Variants in KRTAP13-3 observed in about 807,000 individuals in gnomAD.
KRTAP13-3 encodes keratin-associated protein 13-3.
For synonymous variants in KRTAP13-3, 98 were observed against 79.4 expected (o/e 1.23, Z -1.25); for missense variants, 243 against 202.8 (o/e 1.20, Z -1.20).
chr21:30,425,758 A>G lies in KRTAP13-3; in HGVS notation c.155T>C (p.Leu52Pro), dbSNP rs1423353498. The change falls in exon 1 of 1, where the codon CTC becomes CCC. Residue 52 changes from leucine to proline, a missense_variant. Transcript: ENST00000390690. ...GCAGGTCTCCTGACAGCCCCTATAG[A>G]GAGAGGAACCCAGCTGGCAGGTGCT... The G allele has an allele frequency of 1.2e-6, 2 of 1,614,004 alleles. No individual in the cohort carries two copies. The highest frequency in any genetic ancestry group is 8.5e-7 in the Non-Finnish European group (1 of 1,180,026).
exon 1 of KRTAP13-3, chr21:30,425,822 G>A (rs1984287584): frequency 5.0e-6 from 8 of 1,614,056 alleles, no homozygotes; most frequent in South Asian, 1.1e-5. Flanking sequence ...AGGTTGCTGG[G>A]GTAGGAAGAG....
chr21:30,425,708 A>G (rs1406805950), exon 1 of KRTAP13-3: 2 of 1,613,916 alleles, frequency 1.2e-6, no homozygotes, highest in Admixed American at 3.3e-5. Flanking sequence ...TCAACACACA[A>G]TGTCTGACAG....
chr21:30,425,619 C>A, exon 1 of KRTAP13-3: 1 of 1,614,170 alleles, frequency 6.2e-7, no homozygotes, highest in Non-Finnish European at 8.5e-7. Context: ...AACCCCGAGA[C>A]CCAACATGCA....
At chr21:30,425,489 A>AAC in the KRTAP13-3 span, 1 of 1,613,740 alleles carries the variant, frequency 6.2e-7, no homozygotes, top group Non-Finnish European at 8.5e-7. Flanking sequence ...CTGGATCTAT[A>AAC]ACTCTGGGAA....
chr21:30,425,817 G>C lies in KRTAP13-3; in HGVS notation c.96C>G (p.Ser32Arg), dbSNP rs371300420. The C allele has an allele frequency of 5.6e-6, 9 of 1,614,186 alleles. No individual in the cohort carries two copies. In the African/African-American group the frequency reaches 6.7e-5, roughly 12 times the overall value. The change falls in exon 1 of 1, where the codon AGC (serine) becomes AGG (arginine). Residue 32 changes from serine to arginine, a missense_variant. Transcript: ENST00000390690. ...AGAGGTCAGTGCTGTAGACCAGGTT[G>C]CTGGGGTAGGAAGAGCCACAGGAGG... is the stretch of plus-strand genomic sequence containing the variant.
chr21:30,425,494 T>C (rs1388811380), exon 1 of KRTAP13-3: 6 of 1,613,664 alleles, frequency 3.7e-6, no homozygotes, highest in Non-Finnish European at 5.1e-6. Flanking sequence ...TCTATAACTC[T>C]GGGAAGGGGA....
chr21:30,425,592 G>T, the KRTAP13-3 span: 3 of 1,614,142 alleles, frequency 1.9e-6, no homozygotes, highest in Admixed American at 5.0e-5. Context: ...TCAGGGAGCA[G>T]CAGCTATTGG....
exon 1 of KRTAP13-3, chr21:30,425,485 C>T: frequency 1.9e-6 from 3 of 1,613,630 alleles, no homozygotes; most frequent in Non-Finnish European, 2.5e-6. Context: ...GAATCTGGAT[C>T]TATAACTCTG....
At chr21:30,425,752 C>T in exon 1 of KRTAP13-3, 1 of 1,614,120 alleles carries the variant, frequency 6.2e-7, no homozygotes, top group South Asian at 1.1e-5. Context: ...CTGACAGCCC[C>T]TATAGAGAGA....
Position 30,425,598 on chromosome 21 carries a change from A to G in KRTAP13-3, c.315T>C (p.Asn105=), listed in dbSNP as rs781001522. The G allele has an allele frequency of 3.1e-6, 5 of 1,613,172 alleles. 1 individual carries two copies. In the South Asian group the frequency reaches 4.4e-5, roughly 14 times the overall value. Residue 105 remains asparagine (N), a synonymous_variant, in exon 1 of 1, where the codon AAT becomes AAC. Transcript: ENST00000390690. ...ATCCACAGCTCAGGGAGCAGCAGCT[A>G]TTGGATCCAAAACCCCGAGACCCAA... is the stretch of plus-strand genomic sequence containing the variant.
rs1481617435 is a variant in KRTAP13-3 at position 30,425,518 on chromosome 21, T to C, written c.395A>G (p.Tyr132Cys). 15 of 1,614,046 alleles carry C rather than the reference T, an allele frequency of 9.3e-6. No homozygotes were observed. Among genetic ancestry groups the C allele is most frequent in the Non-Finnish European group, 1.0e-5 (12 of 1,180,002 alleles). The change falls in exon 1 of 1, where the codon TAT (tyrosine) becomes TGT (cysteine). Residue 132 changes from tyrosine to cysteine, a missense_variant. Physicochemically the swap from Tyr to Cys is radical, Grantham distance 194 (BLOSUM62 -2). Coordinates refer to ENST00000390690, the Ensembl canonical transcript of KRTAP13-3. The stretch of plus-strand genomic sequence containing the variant: ...CTGGGAAGGGGAGGTATGGATTCTA[T>C]AATTCAGATATCTGAAGCCATTGGA...
chr21:30,425,743 T>C lies in KRTAP13-3; in HGVS notation c.170A>G (p.Gln57Arg), dbSNP rs779642891. The change falls in exon 1 of 1, where the codon CAG becomes CGG. Residue 57 changes from glutamine (Q) to arginine (R), a missense_variant. By Grantham distance (43) the Gln-to-Arg change is conservative. Transcript: ENST00000390690. ...GCTGTTGGGCCTCCAGCAGGTCTCC[T>C]GACAGCCCCTATAGAGAGAGGAACC... The C allele has an allele frequency of 3.5e-5, 56 of 1,614,030 alleles. No individual in the cohort carries two copies. The highest frequency in any genetic ancestry group is 4.3e-5 in the Non-Finnish European group (51 of 1,180,038).
chr21:30,425,650 A>G (rs1984278473), exon 1 of KRTAP13-3: 1 of 1,614,088 alleles, frequency 6.2e-7, no homozygotes, highest in Non-Finnish European at 8.5e-7. Flanking sequence ...AGAATTGCAG[A>G]GCATGTGAGT....
Position 30,425,526 on chromosome 21 carries a change from A to G in KRTAP13-3, c.387T>C (p.Tyr129=), listed in dbSNP as rs748069938. 26 of 1,614,082 alleles carry G rather than the reference A, an allele frequency of 1.6e-5. No homozygotes were observed. In the South Asian group the frequency reaches 2.4e-4, roughly 15 times the overall value. Residue 129 remains tyrosine (Y), a synonymous_variant, in exon 1 of 1, where the codon TAT becomes TAC. Transcript: ENST00000390690. ...GGGAGGTATGGATTCTATAATTCAG[A>G]TATCTGAAGCCATTGGATCCACAGC...
At chr21:30,425,425 T>G in exon 1 of KRTAP13-3, 1 of 1,582,984 alleles carries the variant, frequency 6.3e-7, no homozygotes, top group Non-Finnish European at 8.6e-7. Flanking sequence ...GAATGGCTGA[T>G]AACAAGATGA....
Position 30,425,571 on chromosome 21 carries a change from G to C in KRTAP13-3, c.342C>G (p.Ser114=), listed in dbSNP as rs758543142. Residue 114 remains serine (S), a synonymous_variant, in exon 1 of 1, where the codon TCC becomes TCG. Coordinates refer to ENST00000390690, the Ensembl canonical transcript of KRTAP13-3. ...CACAGCCCAGTGAGGAGCAGCTCCT[G>C]GATCCACAGCTCAGGGAGCAGCAGC... 2.5e-6 allele frequency: 4 copies of C among 1,613,958 alleles called. No homozygotes were observed. The African/African-American group carries it at 5.3e-5, about 22-fold the overall frequency.
exon 1 of KRTAP13-3, chr21:30,425,728 C>T (rs1984282426): frequency 6.2e-7 from 1 of 1,614,166 alleles, no homozygotes. Flanking sequence ...GCTGTTGGGC[C>T]TCCAGCAGGT....
chr21:30,425,614 C>G (rs374398797), exon 1 of KRTAP13-3: 2 of 1,613,986 alleles, frequency 1.2e-6, no homozygotes, highest in East Asian at 2.2e-5. Context: ...TCCAAAACCC[C>G]GAGACCCAAC....
chr21:30,425,721 G>A (rs1309604045), exon 1 of KRTAP13-3: 1 of 1,614,170 alleles, frequency 6.2e-7, no homozygotes, highest in Admixed American at 1.7e-5. Flanking sequence ...TCTGACAGCT[G>A]TTGGGCCTCC....
Sources: gnomAD v4.1 joint callset for allele counts on GRCh38, gnomAD v4.1.1 for gene constraint, MANE v1.5 for transcripts, NCBI Gene and HGNC (gene_info 2026-07-23, HGNC 2026-07-21) for gene names.